DPYSL2: variants seen among roughly 807,000 people sequenced by gnomAD.
The protein encoded by DPYSL2 is dihydropyrimidinase like 2, also known as dihydropyrimidinase-related protein 2.
Under a neutral mutation model 69.9 loss-of-function variants are expected in DPYSL2, and 13 were observed. The observed-to-expected ratio is 0.19, with a 90% confidence interval of 0.12 to 0.30. The LOEUF (loss-of-function observed/expected upper bound fraction) is 0.30. DPYSL2 is among the 10% of genes least tolerant of loss of function. DPYSL2 has a pLI of 1.00. For synonymous variants in DPYSL2, 326 were observed against 359.1 expected, an observed-to-expected ratio of 0.91 and a Z score of 1.04; for missense variants, 587 against 918.9, an observed-to-expected ratio of 0.64 and a Z score of 4.67.
At chr8:26,613,465 C>A (rs1002852001) in intron 3 of DPYSL2, among the ~76,000 whole-genome samples, 3 of 152,230 alleles carry the variant, frequency 2.0e-5, no homozygotes, top group South Asian at 4.1e-4. Flanking sequence ...TGAGTGGCTC[C>A]CTTCCTGCAG....
At chr8:26,583,329 CT>C (rs71553807) in intron 2 of DPYSL2, among the ~76,000 whole-genome samples, 7,541 of 138,988 alleles carry the variant, frequency 0.054, 171 homozygotes, top group South Asian at 0.14. Context: ...ATAGTGTTCA[CT>C]TTTTTTTTTT....
chr8:26,532,352 C>A (rs762743952), intron 1 of DPYSL2, among the ~76,000 whole-genome samples: 3 of 152,186 alleles, frequency 2.0e-5, no homozygotes, highest in Non-Finnish European at 2.9e-5. Context: ...GAGGAATGAA[C>A]TTTGGTACAA....
intron 7 of DPYSL2, among the ~76,000 whole-genome samples, chr8:26,631,514 TG>T (rs1802772833): frequency 6.6e-6 from 1 of 152,154 alleles, no homozygotes; most frequent in South Asian, 2.1e-4. Context: ...GAGATTTGGG[TG>T]GGGACACAGA....
In DPYSL2 at chr8:26,591,677, T is replaced by A. The variant is rs1156345738; in HGVS notation, c.628+7694T>A. Among the ~76,000 whole-genome samples, 1 of 152,168 alleles carries A rather than the reference T, an allele frequency of 6.6e-6. No homozygotes were observed. The highest frequency in any genetic ancestry group is 6.5e-5 in the Admixed American group (1 of 15,284). On this transcript the variant is annotated intron_variant, in intron 3 of 13. Coordinates refer to ENST00000521913, the MANE Select transcript of DPYSL2 (RefSeq NM_001197293.3). The surrounding 1 kb of genome is among the most constrained non-coding windows in gnomAD (Gnocchi z 5.8). ...CCCTCCACCTGAGATATGAGACTGA[T>A]GAATGCAGAACTGCTCTGGTTGGAA...
In DPYSL2 at chr8:26,560,885, T is replaced by C. The variant is rs1801059736; in HGVS notation, c.355-21084T>C. On this transcript the variant is annotated intron_variant, in intron 1 of 13. Transcript: ENST00000521913. This position sits in a 1 kb window ranked among gnomAD's most constrained non-coding sequence, Gnocchi z 4.4. ...GAAAGGAAAGAAACATCATTAATCATATGATGAGTGTTTGTCAGGCCTCCA... is the reference window on the plus strand; with the variant it reads ...GAAAGGAAAGAAACATCATTAATCACATGATGAGTGTTTGTCAGGCCTCCA... 6.6e-6 allele frequency among the ~76,000 whole-genome samples: 1 copy of C among 152,198 alleles called. No individual in the cohort carries two copies. Among genetic ancestry groups the C allele is most frequent in the African/African-American group, 2.4e-5 (1 of 41,452 alleles).
intron 1 of DPYSL2, among the ~76,000 whole-genome samples, chr8:26,545,023 C>T (rs1039140375): frequency 2.6e-5 from 4 of 152,138 alleles, no homozygotes; most frequent in African/African-American, 9.7e-5. Context: ...CAAATATTGA[C>T]AGATCTGAGG....
Position 26,514,451 on chromosome 8 carries a change from A to T in DPYSL2, c.126A>T (p.Glu42Asp). 6.5e-7 allele frequency: 1 copy of T among 1,527,884 alleles called. No individual in the cohort carries two copies. The allele number at this position is 1,527,884 out of a possible 1,614,324, so 94.6% of individuals were successfully genotyped here. The change falls in exon 1 of 14, where the codon GAA (glutamate) becomes GAT (aspartate). Residue 42 changes from glutamate to aspartate, a missense_variant. Around this residue, in one of 3 missense-constraint regions of DPYSL2, gnomAD observed 50 missense variants for 86.8 expected, o/e 0.58. Coordinates refer to ENST00000521913, the MANE Select transcript of DPYSL2 (RefSeq NM_001197293.3). The surrounding 1 kb of genome is among the most constrained non-coding windows in gnomAD (Gnocchi z 8.4). ...QKFCGMFCPV[E>D]GSSENKTIDF... Reference sequence around the variant, plus strand: ...TCTGTGGCATGTTCTGCCCGGTGGAAGGGTCCTCGGAGAACAAGACCATCG... The same window carrying T: ...TCTGTGGCATGTTCTGCCCGGTGGATGGGTCCTCGGAGAACAAGACCATCG...
chr8:26,635,278 C>T (rs1802885051), intron 8 of DPYSL2, among the ~76,000 whole-genome samples: 1 of 152,224 alleles, frequency 6.6e-6, no homozygotes, highest in African/African-American at 2.4e-5. Context: ...CCCTCCAAGG[C>T]TGGGAGTGAT....
chr8:26,643,917 G>A lies in DPYSL2; in HGVS notation c.1284-33G>A, dbSNP rs1292983241. ...TGTAGGCGCACAGCATCTTGACGAAGCTGCAGCACCACGTTATGCATTTTC... is the reference window on the plus strand; with the variant it reads ...TGTAGGCGCACAGCATCTTGACGAAACTGCAGCACCACGTTATGCATTTTC... On this transcript the variant is annotated intron_variant, in intron 9 of 13. Coordinates refer to ENST00000521913, the MANE Select transcript of DPYSL2 (RefSeq NM_001197293.3). This position sits in a 1 kb window ranked among gnomAD's most constrained non-coding sequence, Gnocchi z 6.5. 6.2e-7 allele frequency: 1 copy of A among 1,605,528 alleles called. No individual in the cohort carries two copies. Among genetic ancestry groups the A allele is most frequent in the East Asian group, 2.2e-5 (1 of 44,714 alleles).
At chr8:26,577,628 A>C (rs1238543431) in intron 1 of DPYSL2, among the ~76,000 whole-genome samples, 5 of 142,728 alleles carry the variant, frequency 3.5e-5, no homozygotes, top group South Asian at 2.2e-4. Context: ...CGCGACGACC[A>C]CCCCTCCATT....
At chr8:26,526,733 C>T (rs959466551) in intron 1 of DPYSL2, among the ~76,000 whole-genome samples, 2 of 152,184 alleles carry the variant, frequency 1.3e-5, no homozygotes, top group Admixed American at 6.5e-5. Flanking sequence ...TGAGTGACTA[C>T]CAGGAACACA....
intron 1 of DPYSL2, among the ~76,000 whole-genome samples, chr8:26,581,538 C>T (rs953214176): frequency 9.2e-5 from 14 of 151,766 alleles, no homozygotes; most frequent in African/African-American, 2.9e-4. Context: ...ATGCCCAGCC[C>T]ATTTTTTGTA....
At chr8:26,566,002 T>C (rs1801143726) in intron 1 of DPYSL2, among the ~76,000 whole-genome samples, 1 of 152,204 alleles carries the variant, frequency 6.6e-6, no homozygotes, top group African/African-American at 2.4e-5. Context: ...AGTCCAGTTG[T>C]GTGTCCTAGA....
intron 3 of DPYSL2, among the ~76,000 whole-genome samples, chr8:26,612,622 C>G (rs906750464): frequency 7.9e-5 from 12 of 152,308 alleles, no homozygotes; most frequent in African/African-American, 2.9e-4. Flanking sequence ...GAGGCCGAGG[C>G]GGGTGGATCA....
chr8:26,577,276 GCC>G, intron 1 of DPYSL2: 1 of 344,726 alleles, frequency 2.9e-6, no homozygotes, highest in Non-Finnish European at 5.6e-6. Flanking sequence ...GGAAGCAGCC[GCC>G]CTCTCCGGGG....
chr8:26,657,489 C>G lies in DPYSL2; in HGVS notation c.*1783C>G, dbSNP rs41276289. 1.6e-3 allele frequency: 238 copies of G among 152,682 alleles called. No individual in the cohort carries two copies. Among genetic ancestry groups the G allele is most frequent in the Non-Finnish European group, 2.3e-3 (154 of 68,034 alleles). The allele number at this position is 152,682 out of a possible 1,614,324, so 9.5% of individuals were successfully genotyped here. A position where few individuals can be genotyped will look rare whatever the true frequency, so the allele number is the denominator to read the frequency against. On this transcript the variant is annotated 3_prime_UTR_variant, in exon 14 of 14. Coordinates refer to ENST00000521913, the MANE Select transcript of DPYSL2 (RefSeq NM_001197293.3). ...GGTCATTCCATCACCACCCTTGTCT[C>G]TCTACACATTTTGCCTTTGGGGATC... is the stretch of plus-strand genomic sequence containing the variant.
intron 3 of DPYSL2, among the ~76,000 whole-genome samples, chr8:26,604,696 T>C (rs376257415): frequency 2.8e-3 from 419 of 152,072 alleles, no homozygotes; most frequent in African/African-American, 9.2e-3. Flanking sequence ...CTCTGTCACG[T>C]AGGCTGGAGT....
chr8:26,568,510 C>T (rs1801187189), intron 1 of DPYSL2, among the ~76,000 whole-genome samples: 1 of 152,164 alleles, frequency 6.6e-6, no homozygotes, highest in Non-Finnish European at 1.5e-5. Flanking sequence ...AATTTATTTA[C>T]AGGAAAGGTC....
In DPYSL2 at chr8:26,580,840, G is replaced by T. The variant is rs1019012165; in HGVS notation, c.355-1129G>T. Among the ~76,000 whole-genome samples, 14 of 152,168 alleles carry T rather than the reference G, an allele frequency of 9.2e-5. No individual in the cohort carries two copies. The highest frequency in any genetic ancestry group is 1.8e-4 in the Non-Finnish European group (12 of 68,048). ...GTTTAAGCCCATTCTGTATAATACA[G>T]GTGCATATTTACTGAACACTCGATG... On this transcript the variant is annotated intron_variant, in intron 1 of 13. Transcript: ENST00000521913. This position sits in a 1 kb window ranked among gnomAD's most constrained non-coding sequence, Gnocchi z 4.1.
Sources: gnomAD v4.1 joint callset for allele counts (sites outside exome capture counted in the v4.1 genomes callset) on GRCh38, gnomAD v4.1.1 for gene constraint, gnomAD v4.1.1 regional missense constraint, Gnocchi (gnomAD v3.1) non-coding constraint, MANE v1.5 for transcripts, NCBI Gene and HGNC (gene_info 2026-07-23, HGNC 2026-07-21) for gene names.